EPHA6: variants seen among roughly 807,000 people sequenced by gnomAD.
EPHA6 encodes EPH receptor A6.
A neutral mutation model predicts 112.0 loss-of-function variants in EPHA6; 50 were observed. The ratio of observed to expected loss-of-function variants is 0.45; its 90% CI spans 0.36 to 0.56. The LOEUF (loss-of-function observed/expected upper bound fraction) is 0.56. EPHA6 is among the 20% of genes least tolerant of loss of function. EPHA6 has a pLI of 0.00. For synonymous variants in EPHA6, 529 were observed against 490.7 expected (o/e 1.08, Z -1.03); for missense variants, 1,280 against 1,417.4 (o/e 0.90, Z 1.56).
intron 2 of EPHA6, among the ~76,000 whole-genome samples, chr3:96,985,157 AGACTGGAGCTGTT>A (rs1464319731): frequency 4.6e-5 from 7 of 152,280 alleles, no homozygotes; most frequent in South Asian, 2.1e-4. Flanking sequence ...TAGGAGCTGT[AGACTGGAGCTGTT>A]CCTATTCAGC....
At chr3:97,739,565 A>G (rs1576383316) in intron 16 of EPHA6, among the ~76,000 whole-genome samples, 1 of 152,144 alleles carries the variant, frequency 6.6e-6, no homozygotes, top group African/African-American at 2.4e-5. Flanking sequence ...TATATCTGCA[A>G]TTGTTCCTCT....
intron 14 of EPHA6, among the ~76,000 whole-genome samples, chr3:97,676,884 T>A (rs2031437838): frequency 6.6e-6 from 1 of 152,112 alleles, no homozygotes; most frequent in African/African-American, 2.4e-5. Flanking sequence ...AAGGAGAGGT[T>A]TGCAGTTTAG....
chr3:97,448,886 G>T (rs1457035879), intron 7 of EPHA6, among the ~76,000 whole-genome samples, 156 bp downstream of exon 7: 1 of 152,028 alleles, frequency 6.6e-6, no homozygotes, highest in Non-Finnish European at 1.5e-5. Context: ...GTTAATATTT[G>T]TTGCTATCAT....
At chr3:97,161,114 G>C (rs1347086497) in intron 3 of EPHA6, among the ~76,000 whole-genome samples, 1 of 152,062 alleles carries the variant, frequency 6.6e-6, no homozygotes. Context: ...AGTGTTGTTT[G>C]CATGCCCAAC....
intron 5 of EPHA6, among the ~76,000 whole-genome samples, chr3:97,398,811 A>G (rs942340439): frequency 6.6e-6 from 1 of 151,348 alleles, no homozygotes; most frequent in African/African-American, 2.4e-5. Context: ...TGCCTCATGA[A>G]TTCTTTTTTT....
intron 5 of EPHA6, among the ~76,000 whole-genome samples, chr3:97,269,653 A>T (rs1401379165): frequency 1.3e-5 from 2 of 152,204 alleles, no homozygotes; most frequent in East Asian, 3.8e-4. Context: ...CTGATGTAAC[A>T]CAACTGGAGT....
chr3:97,235,139 T>C (rs1440140759), intron 4 of EPHA6, among the ~76,000 whole-genome samples: 1 of 152,154 alleles, frequency 6.6e-6, no homozygotes, highest in Non-Finnish European at 1.5e-5. Flanking sequence ...CCTTTTTATG[T>C]CATTGTGCTT....
At chr3:96,933,049 G>A (rs1268056498) in intron 2 of EPHA6, among the ~76,000 whole-genome samples, 5 of 152,020 alleles carry the variant, frequency 3.3e-5, no homozygotes, top group Admixed American at 2.0e-4. Flanking sequence ...CCATCTGGAC[G>A]TCAAGATGGC....
At chr3:96,925,590 G>A (rs1428683511) in intron 2 of EPHA6, among the ~76,000 whole-genome samples, 2 of 148,066 alleles carry the variant, frequency 1.4e-5, no homozygotes, top group African/African-American at 2.5e-5. Flanking sequence ...CAAAAAACAA[G>A]CTCCTTGATT....
chr3:97,045,669 A>G (rs997191586), intron 3 of EPHA6, among the ~76,000 whole-genome samples: 3 of 152,072 alleles, frequency 2.0e-5, no homozygotes, highest in Non-Finnish European at 2.9e-5. Flanking sequence ...AAATTTTATA[A>G]AATATAGTGA....
At chr3:97,693,611 T>A (rs1475564476) in intron 14 of EPHA6, among the ~76,000 whole-genome samples, 1 of 151,926 alleles carries the variant, frequency 6.6e-6, no homozygotes, top group Non-Finnish European at 1.5e-5. Flanking sequence ...ATCGAGACCA[T>A]CCTGGCTAAC....
At chr3:96,960,433 C>T (rs1170347336) in intron 2 of EPHA6, among the ~76,000 whole-genome samples, 1 of 152,170 alleles carries the variant, frequency 6.6e-6, no homozygotes, top group African/African-American at 2.4e-5. Flanking sequence ...TTGCATCAAC[C>T]TTCCCTCTTA....
chr3:97,096,050 G>A (rs2047225209), intron 3 of EPHA6, among the ~76,000 whole-genome samples: 1 of 151,994 alleles, frequency 6.6e-6, no homozygotes, highest in African/African-American at 2.4e-5. Context: ...ACATAGGACT[G>A]AGGACCTAAT....
At chr3:97,367,680 A>G (rs1245712101) in intron 5 of EPHA6, among the ~76,000 whole-genome samples, 1 of 151,818 alleles carries the variant, frequency 6.6e-6, no homozygotes, top group Non-Finnish European at 1.5e-5. Flanking sequence ...TTCCTAAATT[A>G]TCCCAATTTG....
At chr3:97,695,140 A>G (rs2032948212) in intron 14 of EPHA6, among the ~76,000 whole-genome samples, 1 of 152,238 alleles carries the variant, frequency 6.6e-6, no homozygotes, top group African/African-American at 2.4e-5. Flanking sequence ...TCAGAGAATG[A>G]TTTAGTGAGA....
chr3:97,475,565 G>A (rs1279810204), intron 8 of EPHA6, 105 bp downstream of exon 8: 6 of 748,364 alleles, frequency 8.0e-6, no homozygotes, highest in East Asian at 2.8e-5. Flanking sequence ...ACCTGAGGTC[G>A]AGAGGGATCC....
intron 1 of EPHA6, among the ~76,000 whole-genome samples, chr3:96,836,460 A>G (rs1428858080): frequency 6.6e-6 from 1 of 152,110 alleles, no homozygotes; most frequent in East Asian, 1.9e-4. Context: ...TTGTTGTAGC[A>G]ATGGAATACT....
At chr3:97,581,686 A>C (rs2093439765) in intron 11 of EPHA6, among the ~76,000 whole-genome samples, 2 of 152,200 alleles carry the variant, frequency 1.3e-5, no homozygotes, top group Non-Finnish European at 2.9e-5. Flanking sequence ...GGGGAGTTTA[A>C]GTGACTTGCA....
intron 1 of EPHA6, among the ~76,000 whole-genome samples, chr3:96,823,064 C>A (rs1461125674): frequency 6.6e-6 from 1 of 151,386 alleles, no homozygotes; most frequent in African/African-American, 2.4e-5. Context: ...GATATGATTG[C>A]CCCCAAATTT....
Sources: gnomAD v4.1 joint callset for allele counts (sites outside exome capture counted in the v4.1 genomes callset) on GRCh38, gnomAD v4.1.1 for gene constraint, MANE v1.5 for transcripts, NCBI Gene and HGNC (gene_info 2026-07-23, HGNC 2026-07-21) for gene names.